Variants in STAB2 observed in about 807,000 individuals in gnomAD.
STAB2 encodes the protein stabilin-2.
Under a neutral mutation model 338.1 loss-of-function variants are expected in STAB2, and 288 were observed. The observed-to-expected ratio is 0.85, with a 90% CI of 0.77 to 0.94. The LOEUF is 0.94. Among genes scored for constraint, STAB2 ranks in the 40% least tolerant of loss-of-function variants. The pLI is 0.00. For missense variants in STAB2, 3,141 were observed against 3,210.1 expected, an observed-to-expected ratio of 0.98 and a Z score of 0.52; for synonymous variants, 1,202 against 1,193.3, an observed-to-expected ratio of 1.01 and a Z score of -0.15.
chr12:103,694,426 CAG>C (rs1232328915), intron 31 of STAB2, among the ~76,000 whole-genome samples: 1 of 152,144 alleles, frequency 6.6e-6, no homozygotes, highest in Non-Finnish European at 1.5e-5. Context: ...TCCTCCAACA[CAG>C]GGGTTGGTAC....
chr12:103,636,653 G>A (rs1432090480), intron 6 of STAB2, among the ~76,000 whole-genome samples: 1 of 152,020 alleles, frequency 6.6e-6, no homozygotes, highest in East Asian at 1.9e-4. Flanking sequence ...TAACCCAGAA[G>A]TTTTGTATCT....
At chr12:103,657,461 C>CT (rs1357164035) in intron 15 of STAB2, 1 of 152,196 alleles carries the variant, frequency 6.6e-6, no homozygotes, top group Non-Finnish European at 1.5e-5. Context: ...ACATTCTTCT[C>CT]TTTCTCCTCC....
At chr12:103,715,989 G>A (rs1880282331) in intron 43 of STAB2, 101 bp downstream of exon 43, 1 of 1,221,082 alleles carries the variant, frequency 8.2e-7, no homozygotes, top group Non-Finnish European at 1.2e-6. Flanking sequence ...GACCTCTAAA[G>A]AGCTGCAGCT....
At chr12:103,756,877 T>C (rs1034182372) in intron 63 of STAB2, among the ~76,000 whole-genome samples, 4 of 151,842 alleles carry the variant, frequency 2.6e-5, no homozygotes, top group African/African-American at 9.7e-5. Context: ...CACACTAATC[T>C]TTCTGCTGTG....
At chr12:103,718,337 C>T (rs1880495145) in intron 44 of STAB2, among the ~76,000 whole-genome samples, 1 of 139,786 alleles carries the variant, frequency 7.2e-6, no homozygotes, top group African/African-American at 2.5e-5. Flanking sequence ...TCTACTCTCA[C>T]CCCACAACTA....
rs1364524482 is a variant in STAB2, at chr12:103,760,690, T to C, written c.7249-610T>C. Among the ~76,000 whole-genome samples, 4 of 152,216 alleles carry C rather than the reference T, an allele frequency of 2.6e-5. No homozygotes were observed. The East Asian group carries it at 7.7e-4, about 29-fold the overall frequency. The stretch of plus-strand genomic sequence containing the variant: ...TAACCATGATGTCGGATTCAGGTTC[T>C]GAGACATGCAGAGAGTAGTGCCTGA... On this transcript the variant is annotated intron_variant, in intron 65 of 68. Transcript: ENST00000388887.
chr12:103,643,331 A>C (rs1873059042), intron 9 of STAB2, among the ~76,000 whole-genome samples: 2 of 152,166 alleles, frequency 1.3e-5, no homozygotes, highest in Admixed American at 1.3e-4. Context: ...AGTCCATCGC[A>C]CTGTTCTTCA....
chr12:103,682,099 T>A (rs1876966007), intron 25 of STAB2, among the ~76,000 whole-genome samples: 1 of 152,150 alleles, frequency 6.6e-6, no homozygotes, highest in Non-Finnish European at 1.5e-5. Context: ...ACAGTATCTG[T>A]CTCCTCTCTG....
rs759564595 is a variant in STAB2 at position 103,742,429 on chromosome 12, C to T, written c.5906C>T (p.Pro1969Leu). 1.3e-5 allele frequency: 21 copies of T among 1,613,982 alleles called. No homozygotes were observed. In the Admixed American group the frequency reaches 2.0e-4, roughly 15 times the overall value. The stretch of plus-strand genomic sequence containing the variant: ...GCCTGCCCTGGAGGACCAGATGCCC[C>T]GTGTAATAACCGGGGTGTCTGCCTT... ...CQACPGGPDAPCNNRGVCLDQ... is the reference protein window; with the variant it reads ...CQACPGGPDALCNNRGVCLDQ... Residue 1969 changes from proline to leucine, a missense_variant, in exon 56 of 69, where the codon CCG (proline) becomes CTG (leucine). By Grantham distance (98) the Pro-to-Leu change is moderately conservative (BLOSUM62 -3). Coordinates refer to ENST00000388887, the MANE Select transcript of STAB2 (RefSeq NM_017564.10).
At chr12:103,717,194 G>A (rs775188221) in intron 43 of STAB2, among the ~76,000 whole-genome samples, 7 of 152,270 alleles carry the variant, frequency 4.6e-5, no homozygotes, top group Admixed American at 1.3e-4. Context: ...GTGCTCCTGC[G>A]CAGACATGGG....
intron 3 of STAB2, among the ~76,000 whole-genome samples, chr12:103,608,751 A>T (rs1457658579): frequency 6.6e-6 from 1 of 152,180 alleles, no homozygotes; most frequent in East Asian, 1.9e-4. Flanking sequence ...TTAGACATGA[A>T]GTACTTTCCC....
chr12:103,641,038 C>G (rs1872888066), intron 9 of STAB2, among the ~76,000 whole-genome samples: 1 of 152,240 alleles, frequency 6.6e-6, no homozygotes, highest in Admixed American at 6.5e-5. Context: ...GTTTCTATCT[C>G]TGTTCCATTT....
chr12:103,684,990 C>G lies in STAB2; in HGVS notation c.2903C>G (p.Ala968Gly). Residue 968 changes from alanine (A) to glycine (G), a missense_variant and splice_region_variant, in exon 27 of 69, where the codon GCA becomes GGA. By Grantham distance (60) the Ala-to-Gly change is moderately conservative. Transcript: ENST00000388887. ...TTTCTTTCATCTTGGTTTTCTCAGGCAAGCTGTCAATCTACTTCGTCTGGT... is the reference window on the plus strand; with the variant it reads ...TTTCTTTCATCTTGGTTTTCTCAGGGAAGCTGTCAATCTACTTCGTCTGGT... ...LEQTGKCHPL[A>G]SCQSTSSGVW... The G allele has an allele frequency of 6.2e-7, 1 of 1,613,718 alleles. No individual in the cohort carries two copies. Among genetic ancestry groups the G allele is most frequent in the Non-Finnish European group, 8.5e-7 (1 of 1,179,762 alleles).
intron 10 of STAB2, 110 bp downstream of exon 10, chr12:103,648,933 A>G (rs1873534057): frequency 8.1e-6 from 12 of 1,476,988 alleles, no homozygotes; most frequent in Middle Eastern, 1.8e-4. Context: ...TATTAGAATC[A>G]GCCTTTTTGG....
intron 35 of STAB2, 43 bp downstream of exon 35, chr12:103,703,319 T>C (rs1385274033): frequency 5.0e-6 from 8 of 1,592,938 alleles, no homozygotes; most frequent in South Asian, 1.1e-5. Context: ...CTAATGAATA[T>C]TGGCTTTTTT....
chr12:103,688,279 C>T lies in STAB2; in HGVS notation c.3045+64C>T, dbSNP rs1021657748. On this transcript the variant is annotated intron_variant, in intron 28 of 68. Coordinates refer to ENST00000388887, the MANE Select transcript of STAB2 (RefSeq NM_017564.10). ...ATATTTTAGAAACTTGGAATGCATA[C>T]AATAGAAAACCGAAAATGCAGCTGG... 3.3e-6 allele frequency: 5 copies of T among 1,518,214 alleles called. No individual in the cohort carries two copies. In the African/African-American group the frequency reaches 5.5e-5, roughly 17 times the overall value. 94.0% of individuals were successfully genotyped at this position (1,518,214 alleles called of 1,614,324 possible).
chr12:103,757,089 TTTTG>T lies in STAB2; in HGVS notation c.6988-1069_6988-1066del, dbSNP rs578220016. Reference sequence around the variant, plus strand: ...TTTAAAAATTATATATTTATATATATTTTGTTTGTTTGTTTTCTTAAGAGAGTCT... The same window carrying T: ...TTTAAAAATTATATATTTATATATATTTTGTTTGTTTTCTTAAGAGAGTCT... On this transcript the variant is annotated intron_variant, in intron 63 of 68. Transcript: ENST00000388887. 1.4e-3 allele frequency among the ~76,000 whole-genome samples: 203 copies of T among 150,036 alleles called. 1 individual carries two copies. The highest frequency in any genetic ancestry group is 3.7e-3 in the African/African-American group (154 of 41,102).
chr12:103,668,830 G>T, intron 20 of STAB2, 101 bp downstream of exon 20: 3 of 1,028,658 alleles, frequency 2.9e-6, no homozygotes, highest in Non-Finnish European at 4.1e-6. Flanking sequence ...CAGGTGGCCC[G>T]TGCTTGCTGT....
intron 25 of STAB2, among the ~76,000 whole-genome samples, chr12:103,682,715 C>T (rs1195232949): frequency 2.0e-5 from 3 of 151,912 alleles, no homozygotes; most frequent in Admixed American, 6.6e-5. Flanking sequence ...TTTGGGAGGC[C>T]GAGGCAGGCG....
Sources: gnomAD v4.1 joint callset for allele counts (sites outside exome capture counted in the v4.1 genomes callset) on GRCh38, gnomAD v4.1.1 for gene constraint, MANE v1.5 for transcripts, NCBI Gene and HGNC (gene_info 2026-07-23, HGNC 2026-07-21) for gene names.